Variants in ABCC9 observed in about 807,000 individuals in gnomAD.
ABCC9 encodes ATP binding cassette subfamily C member 9.
A neutral mutation model predicts 188.3 loss-of-function variants in ABCC9; 95 were observed. The observed-to-expected ratio is 0.50, with a 90% confidence interval of 0.43 to 0.60. The LOEUF (loss-of-function observed/expected upper bound fraction) is 0.60, where lower values mean the gene tolerates loss of function less well. Ranked by LOEUF, ABCC9 falls within the 20% of genes least tolerant of loss-of-function variation. ABCC9 has a pLI of 0.00. For synonymous variants in ABCC9, 659 were observed against 652.7 expected, an observed-to-expected ratio of 1.01 and a Z score of -0.15; for missense variants, 1,102 against 1,876.3, an observed-to-expected ratio of 0.59 and a Z score of 7.62.
chr12:21,842,559 G>A (rs1036858520), intron 28 of ABCC9, 88 bp from the exon 29 acceptor site: 1 of 1,332,102 alleles, frequency 7.5e-7, no homozygotes, highest in Non-Finnish European at 1.1e-6. Context: ...TATGTTGATA[G>A]TTACACAGTT....
intron 16 of ABCC9, among the ~76,000 whole-genome samples, chr12:21,880,642 A>G (rs1463471310): frequency 2.0e-5 from 3 of 152,136 alleles, no homozygotes; most frequent in African/African-American, 7.2e-5. Flanking sequence ...GTAATCAGAA[A>G]AATGCAAATA....
At chr12:21,897,508 G>A (rs1317141642) in intron 12 of ABCC9, among the ~76,000 whole-genome samples, 8 of 152,168 alleles carry the variant, frequency 5.3e-5, no homozygotes, top group Non-Finnish European at 8.8e-5. Flanking sequence ...ATAAATGTTT[G>A]TATTATCCAT....
At chr12:21,911,029 C>G in intron 8 of ABCC9, 51 bp from the exon 9 acceptor site, 1 of 1,565,110 alleles carries the variant, frequency 6.4e-7, no homozygotes, top group Non-Finnish European at 8.8e-7. Context: ...TTTTTATAGA[C>G]CAGGTGTACA....
chr12:21,845,338 A>G (rs1592053031), intron 26 of ABCC9, among the ~76,000 whole-genome samples: 1 of 151,498 alleles, frequency 6.6e-6, no homozygotes, highest in African/African-American at 2.4e-5. Flanking sequence ...ATATAAAAAT[A>G]TATGTATAAA....
chr12:21,929,116 A>G (rs998264232), intron 4 of ABCC9, among the ~76,000 whole-genome samples: 2 of 152,164 alleles, frequency 1.3e-5, no homozygotes, highest in African/African-American at 2.4e-5. Flanking sequence ...GACAGATTAA[A>G]TAGTATAAAA....
intron 38 of ABCC9, 96 bp downstream of exon 38, chr12:21,807,249 AC>A: frequency 3.3e-6 from 5 of 1,518,412 alleles, no homozygotes; most frequent in Non-Finnish European, 4.5e-6. Flanking sequence ...AAACAATAGT[AC>A]TGAGGATTCA....
chr12:21,850,793 C>T (rs11837393), intron 24 of ABCC9, among the ~76,000 whole-genome samples: 3,687 of 152,126 alleles, frequency 0.024, 145 homozygotes, highest in African/African-American at 0.084. Context: ...ATCCCCGGTA[C>T]GTTTAGAATC....
chr12:21,902,741 G>GGA (rs1181112805), intron 12 of ABCC9, among the ~76,000 whole-genome samples: 1 of 152,134 alleles, frequency 6.6e-6, no homozygotes, highest in East Asian at 1.9e-4. Flanking sequence ...GACTAAACCA[G>GGA]GAAGAAGTTG....
At chr12:21,901,088 A>G (rs1049481790) in intron 12 of ABCC9, among the ~76,000 whole-genome samples, 1 of 132,146 alleles carries the variant, frequency 7.6e-6, no homozygotes, top group Non-Finnish European at 1.7e-5. Flanking sequence ...GAAGCCCATC[A>G]GACTAACAGG....
rs2418021 is a variant in ABCC9, at chr12:21,911,254, T to C, written c.1012-276A>G. On this transcript the variant is annotated intron_variant, in intron 8 of 39. Coordinates refer to ENST00000261200, the MANE Select transcript of ABCC9 (RefSeq NM_020297.4). ...AAAGGTATATCCAACCTTAGTAAAATGGTAAGCAGCAAATAAAAAGACAAG... is the reference window on the plus strand; with the variant it reads ...AAAGGTATATCCAACCTTAGTAAAACGGTAAGCAGCAAATAAAAAGACAAG... Among the ~76,000 whole-genome samples, 93,642 of 151,620 alleles carry C rather than the reference T, an allele frequency of 0.62. 29,156 individuals are homozygous for C. The highest frequency in any genetic ancestry group is 0.8 in the East Asian group (4,132 of 5,158).
At chr12:21,890,147 A>T (rs928830304) in intron 14 of ABCC9, among the ~76,000 whole-genome samples, 1 of 152,192 alleles carries the variant, frequency 6.6e-6, no homozygotes, top group Admixed American at 6.6e-5. Context: ...GAAATCACAG[A>T]GGTAAAACAA....
chr12:21,909,656 T>C (rs1948222081), intron 10 of ABCC9, among the ~76,000 whole-genome samples: 2 of 151,962 alleles, frequency 1.3e-5, no homozygotes, highest in African/African-American at 2.4e-5. Flanking sequence ...AACTATGGGA[T>C]TGATTAAAGC....
At position 21,838,116 on chromosome 12, in the gene ABCC9, T is replaced by C. The variant is rs765343947; in HGVS notation, c.3528A>G (p.Ser1176=). ...TGGTGGTGAGTCCTTCTGCTGTTTC[T>C]GAGAAGTGACAGAGCAGAGGGAGCT... ...STQLPLLCHF[S]ETAEGLTTIR... Residue 1176 remains serine (S), a synonymous_variant, in exon 30 of 40, where the codon TCA becomes TCG. Transcript: ENST00000261200. 2 of 1,614,158 alleles carry C rather than the reference T, an allele frequency of 1.2e-6. No homozygotes were observed. The highest frequency in any genetic ancestry group is 1.7e-5 in the Admixed American group (1 of 60,022).
chr12:21,885,648 G>A (rs1369733472), intron 15 of ABCC9, among the ~76,000 whole-genome samples: 1 of 152,014 alleles, frequency 6.6e-6, no homozygotes, highest in Non-Finnish European at 1.5e-5. Context: ...ATGCATTTTT[G>A]TCTTTGTGTC....
chr12:21,821,902 C>T (rs994535973), intron 31 of ABCC9, among the ~76,000 whole-genome samples: 2 of 152,044 alleles, frequency 1.3e-5, no homozygotes, highest in African/African-American at 2.4e-5. Context: ...GCCCCTTTCA[C>T]GTGGTTAATG....
At position 21,805,142 on chromosome 12, in the gene ABCC9, A is replaced by G. The variant is rs764550624; in HGVS notation, c.4512+856T>C. On this transcript the variant is annotated intron_variant, in intron 39 of 39. Transcript: ENST00000261200. ...ATACTGCTAAGATAACTACCGGAGA[A>G]TGACAGACTTGGTGCAATAGATCAT... 6.2e-6 allele frequency: 10 copies of G among 1,613,688 alleles called. No individual in the cohort carries two copies. The African/African-American group carries it at 1.3e-4, about 22-fold the overall frequency.
intron 12 of ABCC9, among the ~76,000 whole-genome samples, chr12:21,898,724 C>T (rs1004744539): frequency 2.6e-5 from 4 of 152,070 alleles, no homozygotes; most frequent in African/African-American, 9.7e-5. Context: ...AGTAGTTTTG[C>T]TAAGTTTGTG....
chr12:21,921,074 T>C (rs1948799921), intron 5 of ABCC9, among the ~76,000 whole-genome samples: 1 of 152,096 alleles, frequency 6.6e-6, no homozygotes, highest in Non-Finnish European at 1.5e-5. Context: ...TCCTTTCTTT[T>C]GGGTATAGAC....
At chr12:21,812,205 A>T in intron 35 of ABCC9, 48 bp from the exon 36 acceptor site, 1 of 1,287,982 alleles carries the variant, frequency 7.8e-7, no homozygotes, top group Non-Finnish European at 1.1e-6. Flanking sequence ...AATCACAAGT[A>T]AAATAATATT....
Sources: allele counts gnomAD v4.1 joint callset (sites outside exome capture counted in the v4.1 genomes callset), GRCh38; gene constraint gnomAD v4.1.1; transcripts MANE v1.5; gene names NCBI Gene and HGNC (gene_info 2026-07-23, HGNC 2026-07-21).